Variants in BBS9 observed in about 807,000 individuals in gnomAD.
BBS9 encodes the protein Bardet-Biedl syndrome 9.
Under a neutral mutation model 117.7 loss-of-function variants are expected in BBS9, and 89 were observed. That is an observed-to-expected ratio of 0.76 (90% confidence interval 0.64 to 0.90). The LOEUF (loss-of-function observed/expected upper bound fraction) is 0.90, where lower values mean the gene tolerates loss of function less well. BBS9 is among the 40% of genes least tolerant of loss of function. The pLI is 0.00. For missense variants in BBS9, 982 were observed against 1,042.2 expected (o/e 0.94, Z 0.80); for synonymous variants, 379 against 370.9 (o/e 1.02, Z -0.25).
At chr7:33,425,914 A>C (rs1192138671) in intron 19 of BBS9, among the ~76,000 whole-genome samples, 1 of 152,254 alleles carries the variant, frequency 6.6e-6, no homozygotes, top group East Asian at 1.9e-4. Context: ...AAGCACAAAC[A>C]GAAACTTAGA....
At chr7:33,130,341 C>T (rs932195472) in intron 1 of BBS9, among the ~76,000 whole-genome samples, 4 of 152,154 alleles carry the variant, frequency 2.6e-5, no homozygotes, top group Non-Finnish European at 5.9e-5. Flanking sequence ...CAAAGCAGTT[C>T]CCAGCCTACG....
intron 20 of BBS9, among the ~76,000 whole-genome samples, chr7:33,522,111 G>A (rs1034173739): frequency 6.6e-5 from 10 of 151,768 alleles, no homozygotes; most frequent in Admixed American, 6.6e-4. Context: ...ATTCCATGGT[G>A]TATATGTGCC....
At chr7:33,389,517 G>A (rs1393878947) in intron 19 of BBS9, among the ~76,000 whole-genome samples, 1 of 151,714 alleles carries the variant, frequency 6.6e-6, no homozygotes, top group Non-Finnish European at 1.5e-5. Flanking sequence ...GTGAAACCCT[G>A]TCTCTACTAA....
At chr7:33,259,118 A>C (rs1441601170) in intron 6 of BBS9, among the ~76,000 whole-genome samples, 4 of 152,170 alleles carry the variant, frequency 2.6e-5, no homozygotes, top group Non-Finnish European at 5.9e-5. Flanking sequence ...TCACTGCTGC[A>C]TTTTTGGATT....
chr7:33,597,101 A>G (rs1263146668), intron 21 of BBS9, among the ~76,000 whole-genome samples: 1 of 149,736 alleles, frequency 6.7e-6, no homozygotes, highest in Non-Finnish European at 1.5e-5. Flanking sequence ...ACACACACAC[A>G]CACACACACA....
chr7:33,481,337 G>A (rs1026719171), intron 19 of BBS9, among the ~76,000 whole-genome samples: 4 of 152,086 alleles, frequency 2.6e-5, no homozygotes, highest in African/African-American at 9.7e-5. Context: ...GCAAGATTGG[G>A]AAGACATTGA....
At chr7:33,206,146 A>G (rs1318190865) in intron 5 of BBS9, among the ~76,000 whole-genome samples, 1 of 152,214 alleles carries the variant, frequency 6.6e-6, no homozygotes, top group East Asian at 1.9e-4. Flanking sequence ...CCAGTCCCCA[A>G]ATCTCTGCAA....
intron 10 of BBS9, among the ~76,000 whole-genome samples, chr7:33,337,005 T>C (rs1171086010): frequency 2.6e-5 from 4 of 152,176 alleles, no homozygotes; most frequent in African/African-American, 9.6e-5. Context: ...AGTTCTTCTT[T>C]TAAAAGAAAC....
intron 21 of BBS9, among the ~76,000 whole-genome samples, chr7:33,618,173 C>T (rs1417245751): frequency 6.6e-6 from 1 of 152,030 alleles, no homozygotes; most frequent in Non-Finnish European, 1.5e-5. Context: ...GACTCTGTCT[C>T]TACAAATTTT....
intron 19 of BBS9, among the ~76,000 whole-genome samples, chr7:33,421,823 A>T (rs191106721): frequency 4.5e-4 from 68 of 152,278 alleles, no homozygotes; most frequent in Non-Finnish European, 7.4e-4. Flanking sequence ...CATGGTTGGT[A>T]CCTCCAGATA....
chr7:33,141,090 G>A (rs1416391666), intron 1 of BBS9, among the ~76,000 whole-genome samples: 2 of 152,064 alleles, frequency 1.3e-5, no homozygotes, highest in East Asian at 1.9e-4. Flanking sequence ...CGTAGAGACT[G>A]GGTCTCTGTT....
chr7:33,401,359 G>C (rs1194160073), intron 19 of BBS9, among the ~76,000 whole-genome samples: 1 of 152,186 alleles, frequency 6.6e-6, no homozygotes, highest in East Asian at 1.9e-4. Context: ...GAATCAAACT[G>C]TAGAATATTT....
At chr7:33,494,786 G>A (rs1025868566) in intron 19 of BBS9, among the ~76,000 whole-genome samples, 9 of 152,180 alleles carry the variant, frequency 5.9e-5, no homozygotes, top group Non-Finnish European at 1.2e-4. Flanking sequence ...TCTGACCTGG[G>A]GGAGTTTATA....
intron 19 of BBS9, chr7:33,390,161 C>A: frequency 2.8e-6 from 2 of 703,376 alleles, no homozygotes; most frequent in South Asian, 6.5e-5. Context: ...TGGGGTCTAC[C>A]GTCATCCCTG....
chr7:33,451,302 G>A (rs976202260), intron 19 of BBS9, among the ~76,000 whole-genome samples: 4 of 152,076 alleles, frequency 2.6e-5, no homozygotes, highest in Admixed American at 2.0e-4. Context: ...TTTCCCCTAT[G>A]TTTTCTTCTA....
intron 5 of BBS9, among the ~76,000 whole-genome samples, chr7:33,205,899 GTATT>G (rs1392429984): frequency 6.6e-6 from 1 of 152,070 alleles, no homozygotes; most frequent in Non-Finnish European, 1.5e-5. Flanking sequence ...TATTTTGTAA[GTATT>G]TAATTAAAGC....
At chr7:33,496,498 C>G (rs1844734920) in intron 19 of BBS9, among the ~76,000 whole-genome samples, 1 of 150,282 alleles carries the variant, frequency 6.7e-6, no homozygotes, top group African/African-American at 2.5e-5. Flanking sequence ...GAGCAAGACT[C>G]CATCTCAAAA....
In BBS9 at chr7:33,534,174, C is replaced by T; in HGVS notation, c.2519C>T (p.Pro840Leu). The T allele has an allele frequency of 1.9e-6, 3 of 1,613,646 alleles. No homozygotes were observed. Among genetic ancestry groups the T allele is most frequent in the Non-Finnish European group, 2.5e-6 (3 of 1,179,652 alleles). Reference sequence around the variant, plus strand: ...GCAGCCCCACAGACCATGGTCATGCCAGGTAAGAGCTCTGTCCATGCTCCC... The same window carrying T: ...GCAGCCCCACAGACCATGGTCATGCTAGGTAAGAGCTCTGTCCATGCTCCC... ...DAAAPQTMVM[P>L]GGCTTIPESD... The change falls in exon 21 of 23, where the codon CCA (proline) becomes CTA (leucine). Residue 840 changes from proline (P) to leucine (L), a missense_variant and splice_region_variant. Physicochemically the swap from Pro to Leu is moderately conservative, Grantham distance 98. Transcript: ENST00000242067.
At chr7:33,177,823 T>C (rs866726026) in intron 5 of BBS9, 1 of 491,142 alleles carries the variant, frequency 2.0e-6, no homozygotes, top group Non-Finnish European at 3.6e-6. Context: ...AGTACTTGGA[T>C]AGGAGACCAA....
Sources: gnomAD v4.1 joint callset for allele counts (sites outside exome capture counted in the v4.1 genomes callset) on GRCh38, gnomAD v4.1.1 for gene constraint, MANE v1.5 for transcripts, NCBI Gene and HGNC (gene_info 2026-07-23, HGNC 2026-07-21) for gene names.